Variants in KIF13A observed in about 807,000 individuals in gnomAD.
KIF13A encodes kinesin-like protein KIF13A.
KIF13A carries 79 observed loss-of-function variants against 212.2 expected under a neutral mutation model. That is an observed-to-expected ratio of 0.37 (90% confidence interval 0.31 to 0.45). KIF13A has a LOEUF of 0.45. Among genes scored for constraint, KIF13A ranks in the 20% least tolerant of loss-of-function variants. The probability of loss-of-function intolerance (pLI) is 1.00; values close to 1 mark genes in which losing one functional copy is unlikely to be tolerated. For missense variants in KIF13A, 1,901 were observed against 2,209.0 expected (o/e 0.86, Z 2.79); for synonymous variants, 789 against 808.6 (o/e 0.98, Z 0.41).
intron 16 of KIF13A, among the ~76,000 whole-genome samples, chr6:17,822,917 C>A (rs1483673135): frequency 6.6e-6 from 1 of 152,230 alleles, no homozygotes; most frequent in Admixed American, 6.5e-5. Flanking sequence ...CCACCCTGCA[C>A]TGCAGGGCCA....
rs575448652 is a variant in KIF13A, at chr6:17,806,666, G to A, written c.2164-1051C>T. Among the ~76,000 whole-genome samples, 4 of 152,228 alleles carry A rather than the reference G, an allele frequency of 2.6e-5. No individual in the cohort carries two copies. The East Asian group carries it at 7.7e-4, about 29-fold the overall frequency. On this transcript the variant is annotated intron_variant, in intron 18 of 38. Transcript: ENST00000259711. The stretch of plus-strand genomic sequence containing the variant: ...AGGCCAAGGTGGGTGGATCACCTGA[G>A]GTCAGGAGTTCGAGACCAGCCTCAC...
rs1365281869 is a variant in KIF13A at position 17,839,738 on chromosome 6, G to C, written c.831-2155C>G. 6.6e-6 allele frequency among the ~76,000 whole-genome samples: 1 copy of C among 152,048 alleles called. No individual in the cohort carries two copies. Among genetic ancestry groups the C allele is most frequent in the Admixed American group, 6.5e-5 (1 of 15,270 alleles). Reference sequence around the variant, plus strand: ...TCATATAAAGACACCCAGGGGAGACGGCCACGTGAAGATGCAGGCAGAGAC... The same window carrying C: ...TCATATAAAGACACCCAGGGGAGACCGCCACGTGAAGATGCAGGCAGAGAC... On this transcript the variant is annotated intron_variant, in intron 9 of 38. Transcript: ENST00000259711. The surrounding 1 kb of genome is among the most constrained non-coding windows in gnomAD (Gnocchi z 4.3).
Position 17,873,397 on chromosome 6 carries a change from G to C in KIF13A, c.200C>G (p.Ser67Cys). 1 of 1,596,444 alleles carries C rather than the reference G, an allele frequency of 6.3e-7. No individual in the cohort carries two copies. The highest frequency in any genetic ancestry group is 8.5e-7 in the Non-Finnish European group (1 of 1,170,768). Residue 67 changes from serine to cysteine, a missense_variant, in exon 4 of 39, where the codon TCT becomes TGT. Physicochemically the swap from Ser to Cys is moderately radical, Grantham distance 112. Transcript: ENST00000259711. ...CTTACCAGCGTATTTTGTAGTGTTA[G>C]ATTCATCCATGGACCAAAAGCAATA... ...FDYCFWSMDESNTTKYAGQEV... is the reference protein window; with the variant it reads ...FDYCFWSMDECNTTKYAGQEV...
At chr6:17,937,386 G>C (rs886492562) in intron 2 of KIF13A, among the ~76,000 whole-genome samples, 5 of 152,146 alleles carry the variant, frequency 3.3e-5, no homozygotes, top group African/African-American at 1.2e-4. Context: ...TCTCGGCAGT[G>C]ATCTCCAATT....
rs1277331910 is a variant in KIF13A at position 17,843,221 on chromosome 6, C to T, written c.831-5638G>A. On this transcript the variant is annotated intron_variant, in intron 9 of 38. Transcript: ENST00000259711. The surrounding 1 kb of genome is among the most constrained non-coding windows in gnomAD (Gnocchi z 5.3). ...TGCAGCGTTAATCTGAATCTAGATT[C>T]AGTGAAGACCAAAACATGGACCTCT... 6.6e-6 allele frequency among the ~76,000 whole-genome samples: 1 copy of T among 152,168 alleles called. No individual in the cohort carries two copies. Among genetic ancestry groups the T allele is most frequent in the Admixed American group, 6.5e-5 (1 of 15,272 alleles).
chr6:17,760,867 G>A, downstream of KIF13A: 4 of 1,613,758 alleles, frequency 2.5e-6, no homozygotes, highest in South Asian at 4.4e-5. Context: ...TCACCGTGAG[G>A]TTGTGCCTCC....
At chr6:17,824,534 C>A (rs182432879) in intron 16 of KIF13A, among the ~76,000 whole-genome samples, 176 of 151,978 alleles carry the variant, frequency 1.2e-3, no homozygotes, top group African/African-American at 4.1e-3. Context: ...CCAAGACAGG[C>A]GGATCACGAG....
Position 17,934,544 on chromosome 6 carries a change from T to C in KIF13A, c.147-36364A>G, listed in dbSNP as rs78080547. 5.5e-3 allele frequency among the ~76,000 whole-genome samples: 844 copies of C among 152,240 alleles called. 13 individuals carry two copies. The highest frequency in any genetic ancestry group is 0.019 in the African/African-American group (781 of 41,542). On this transcript the variant is annotated intron_variant, in intron 2 of 38. Transcript: ENST00000259711. This position sits in a 1 kb window ranked among gnomAD's most constrained non-coding sequence, Gnocchi z 5.4. ...GGTCATGCCTGTAATCCCAAAACTCTGGGAGACAGAGGCAGAGAGGATCAC... is the reference window on the plus strand; with the variant it reads ...GGTCATGCCTGTAATCCCAAAACTCCGGGAGACAGAGGCAGAGAGGATCAC...
At chr6:17,770,918 A>T in intron 38 of KIF13A, 196 bp downstream of exon 38, 1 of 524,406 alleles carries the variant, frequency 1.9e-6, no homozygotes, top group Non-Finnish European at 3.2e-6. Flanking sequence ...AGCAAAAAAT[A>T]AATAAATAAA....
rs1395542254 is a variant in KIF13A, at chr6:17,855,940, G to C, written c.313+90C>G. ...TGCCCAGGCTGGTCTCAAACTCCTGGGCTCAGGAGATCCTCCCACCCCAGC... is the reference window on the plus strand; with the variant it reads ...TGCCCAGGCTGGTCTCAAACTCCTGCGCTCAGGAGATCCTCCCACCCCAGC... On this transcript the variant is annotated intron_variant, in intron 5 of 38. Transcript: ENST00000259711. This position sits in a 1 kb window ranked among gnomAD's most constrained non-coding sequence, Gnocchi z 4.1. 1 of 884,994 alleles carries C rather than the reference G, an allele frequency of 1.1e-6. No individual in the cohort carries two copies. Among genetic ancestry groups the C allele is most frequent in the African/African-American group, 1.7e-5 (1 of 58,950 alleles). 54.8% of individuals were successfully genotyped at this position (884,994 alleles called of 1,614,324 possible). A position where few individuals can be genotyped will look rare whatever the true frequency, so the allele number is the denominator to read the frequency against.
At chr6:17,862,443 T>C (rs1288928156) in intron 4 of KIF13A, among the ~76,000 whole-genome samples, 1 of 152,220 alleles carries the variant, frequency 6.6e-6, no homozygotes, top group Non-Finnish European at 1.5e-5. Flanking sequence ...AATTATCTAG[T>C]TATTTTTCCT....
intron 2 of KIF13A, among the ~76,000 whole-genome samples, chr6:17,966,591 T>C (rs532884161): frequency 6.6e-6 from 1 of 151,038 alleles, no homozygotes; most frequent in South Asian, 2.1e-4. Context: ...ATATAGAGTG[T>C]CTCCTAGATC....
chr6:17,985,875 C>A (rs1368369267), intron 2 of KIF13A, among the ~76,000 whole-genome samples: 1 of 152,098 alleles, frequency 6.6e-6, no homozygotes. Flanking sequence ...AATATCACCA[C>A]CAGAATCTGC....
chr6:17,780,117 A>G (rs1195805415), intron 31 of KIF13A, among the ~76,000 whole-genome samples: 2 of 152,236 alleles, frequency 1.3e-5, no homozygotes, highest in South Asian at 2.1e-4. Context: ...AATACTCAGC[A>G]TAACAGAAAA....
chr6:17,867,144 G>A (rs1769484622), intron 4 of KIF13A, among the ~76,000 whole-genome samples: 1 of 151,902 alleles, frequency 6.6e-6, no homozygotes, highest in Admixed American at 6.6e-5. Context: ...TTCTATGTCA[G>A]TTGTACTTCT....
chr6:17,894,426 C>A (rs1772373876), intron 3 of KIF13A, among the ~76,000 whole-genome samples: 3 of 152,182 alleles, frequency 2.0e-5, no homozygotes, highest in Admixed American at 6.5e-5. Flanking sequence ...CCTTTTTCTG[C>A]ATCTTACTGA....
Position 17,947,509 on chromosome 6 carries a change from T to G in KIF13A, c.146+39545A>C, listed in dbSNP as rs1413996951. ...TTCAAAACTTCGTTGCCTGTTAAAT[T>G]TCCTGAATTTGGTAATAGTCTTAGA... On this transcript the variant is annotated intron_variant, in intron 2 of 38. Transcript: ENST00000259711. The surrounding 1 kb of genome is among the most constrained non-coding windows in gnomAD (Gnocchi z 4.6). Among the ~76,000 whole-genome samples, 1 of 152,178 alleles carries G rather than the reference T, an allele frequency of 6.6e-6. No individual in the cohort carries two copies.
At chr6:17,805,700 T>A in intron 18 of KIF13A, 85 bp from the exon 19 acceptor site, 1 of 1,258,760 alleles carries the variant, frequency 7.9e-7, no homozygotes, top group Non-Finnish European at 1.1e-6. Context: ...AGTAACACAG[T>A]AAGTTTGCAA....
At chr6:17,780,568 C>T (rs77285643) in intron 31 of KIF13A, among the ~76,000 whole-genome samples, 162 bp downstream of exon 31, 3,568 of 152,296 alleles carry the variant, frequency 0.023, 149 homozygotes, top group African/African-American at 0.079. Flanking sequence ...CCTCTGCTAT[C>T]CTAATGCCCA....
Sources: gnomAD v4.1 joint callset for allele counts (sites outside exome capture counted in the v4.1 genomes callset) on GRCh38, gnomAD v4.1.1 for gene constraint, Gnocchi (gnomAD v3.1) non-coding constraint, MANE v1.5 for transcripts, NCBI Gene and HGNC (gene_info 2026-07-23, HGNC 2026-07-21) for gene names.